The following PHLPP2 variants were observed in gnomAD, a reference collection of about 807,000 sequenced individuals.
The protein encoded by PHLPP2 is PH domain and leucine rich repeat protein phosphatase 2.
PHLPP2 carries 66 observed loss-of-function variants against 124.9 expected under a neutral mutation model. The ratio of observed to expected loss-of-function variants is 0.53; its 90% CI spans 0.43 to 0.65. PHLPP2 has a LOEUF of 0.65. Ranked by LOEUF, PHLPP2 falls within the 30% of genes least tolerant of loss-of-function variation. The probability of loss-of-function intolerance (pLI) is 0.00; values close to 1 mark genes in which losing one functional copy is unlikely to be tolerated. For synonymous variants in PHLPP2, 681 were observed against 624.7 expected, an observed-to-expected ratio of 1.09 and a Z score of -1.34; for missense variants, 1,685 against 1,600.4, an observed-to-expected ratio of 1.05 and a Z score of -0.90.
intron 8 of PHLPP2, chr16:71,677,490 AT>A (rs2044958064): frequency 8.3e-6 from 1 of 120,648 alleles, no homozygotes; most frequent in Non-Finnish European, 1.7e-5. Context: ...ATATATATAT[AT>A]ATGGAAGAGT....
intron 2 of PHLPP2, 48 bp downstream of exon 2, chr16:71,714,464 T>C: frequency 6.6e-7 from 1 of 1,516,756 alleles, no homozygotes. Context: ...AGAAACACAT[T>C]ATTATTTATA....
At chr16:71,706,846 T>C (rs1464632305) in intron 2 of PHLPP2, among the ~76,000 whole-genome samples, 3 of 152,002 alleles carry the variant, frequency 2.0e-5, no homozygotes, top group African/African-American at 7.2e-5. Context: ...CAAACCACTT[T>C]ATGTGTTAAC....
chr16:71,674,806 G>A (rs2044930636), intron 9 of PHLPP2, among the ~76,000 whole-genome samples: 2 of 152,148 alleles, frequency 1.3e-5, no homozygotes, highest in Admixed American at 1.3e-4. Flanking sequence ...AGAACAGCAA[G>A]GCCAATATGG....
intron 10 of PHLPP2, among the ~76,000 whole-genome samples, chr16:71,671,244 A>T (rs1326311824): frequency 2.6e-5 from 4 of 152,186 alleles, no homozygotes; most frequent in Non-Finnish European, 5.9e-5. Flanking sequence ...AAAGTAACGA[A>T]ATCAACAAAA....
intron 16 of PHLPP2, among the ~76,000 whole-genome samples, chr16:71,655,738 C>T (rs770372757): frequency 6.6e-6 from 1 of 152,034 alleles, no homozygotes; most frequent in Non-Finnish European, 1.5e-5. Context: ...GATCCGCCCA[C>T]CTTGGCCTCC....
At chr16:71,664,156 A>G in intron 12 of PHLPP2, 57 bp from the exon 13 acceptor site, 1 of 1,170,776 alleles carries the variant, frequency 8.5e-7, no homozygotes, top group South Asian at 1.2e-5. Flanking sequence ...GCCTTCCTAT[A>G]TAGAAACCAT....
At chr16:71,721,599 A>T (rs947719885) in intron 1 of PHLPP2, among the ~76,000 whole-genome samples, 1 of 152,184 alleles carries the variant, frequency 6.6e-6, no homozygotes, top group Non-Finnish European at 1.5e-5. Flanking sequence ...TGTCTCTAAA[A>T]AAAAATCTTT....
chr16:71,649,493 T>C lies in PHLPP2; in HGVS notation c.3369A>G (p.Thr1123=), dbSNP rs775371952. The C allele has an allele frequency of 6.2e-7, 1 of 1,613,734 alleles. No homozygotes were observed. The highest frequency in any genetic ancestry group is 1.1e-5 in the South Asian group (1 of 91,052). Residue 1123 remains threonine (T), a synonymous_variant, in exon 19 of 19, where the codon ACA becomes ACG. Coordinates refer to ENST00000568954, the MANE Select transcript of PHLPP2 (RefSeq NM_015020.3). Reference sequence around the variant, plus strand: ...GGCGCTGAAACAGCCCAGAGGTGGGTGTTGGGTGGAGGCTGCAGCGCCGCT... The same window carrying C: ...GGCGCTGAAACAGCCCAGAGGTGGGCGTTGGGTGGAGGCTGCAGCGCCGCT... The part of the protein sequence containing the change: ...RPERRCSLHP[T]PTSGLFQRQP...
At chr16:71,650,100 A>G (rs542079837) in intron 18 of PHLPP2, 56 bp from the exon 19 acceptor site, 2 of 1,311,776 alleles carry the variant, frequency 1.5e-6, no homozygotes, top group South Asian at 2.5e-5. Context: ...GAGCCAACTT[A>G]TCTTTCTAGA....
At position 71,676,529 on chromosome 16, in the gene PHLPP2, T is replaced by C; in HGVS notation, c.1389A>G (p.Glu463=). The change falls in exon 9 of 19, where the codon GAA becomes GAG. Residue 463 remains glutamate (E), a synonymous_variant. Coordinates refer to ENST00000568954, the MANE Select transcript of PHLPP2 (RefSeq NM_015020.3). ...GCTGATTCCGCCCACAGTGCAGCTG[T>C]TCCAAGCTGCATAAGGAGCTAAGAT... ...DLDLSSLCSL[E]QLHCGRNQLR... is the part of the protein sequence containing the mutation. 6.2e-7 allele frequency: 1 copy of C among 1,613,828 alleles called. No homozygotes were observed. The highest frequency in any genetic ancestry group is 1.1e-5 in the South Asian group (1 of 91,068).
At chr16:71,723,759 GCCT>G (rs1476693232) in intron 1 of PHLPP2, 1 of 1,287,526 alleles carries the variant, frequency 7.8e-7, no homozygotes, top group Non-Finnish European at 1.0e-6. Context: ...TGGTCCATCC[GCCT>G]CCTCACCTTC....
rs2044973572 is a variant in PHLPP2, at chr16:71,679,108, C to A, written c.1038-123G>T. On this transcript the variant is annotated intron_variant, in intron 7 of 18. Coordinates refer to ENST00000568954, the MANE Select transcript of PHLPP2 (RefSeq NM_015020.3). The stretch of plus-strand genomic sequence containing the variant: ...ATCAATCCCAAAATAGTAAAGTGTC[C>A]TAACTCTCCATCTATGCAGACTTAA... 4.6e-6 allele frequency: 3 copies of A among 647,764 alleles called. No individual in the cohort carries two copies. The African/African-American group carries it at 5.5e-5, about 12-fold the overall frequency. 40.1% of individuals were successfully genotyped at this position (647,764 alleles called of 1,614,324 possible).
chr16:71,675,085 C>G (rs983261708), intron 9 of PHLPP2, among the ~76,000 whole-genome samples: 2 of 152,082 alleles, frequency 1.3e-5, no homozygotes, highest in East Asian at 3.8e-4. Flanking sequence ...GGGATATATC[C>G]CAATCAGGAA....
intron 12 of PHLPP2, among the ~76,000 whole-genome samples, chr16:71,665,930 T>G (rs1272878151): frequency 6.6e-6 from 1 of 152,362 alleles, no homozygotes; most frequent in East Asian, 1.9e-4. Flanking sequence ...AAGAGATGTA[T>G]AAGCTGCTAA....
At chr16:71,663,855 T>C in intron 13 of PHLPP2, 44 bp downstream of exon 13, 3 of 1,397,200 alleles carry the variant, frequency 2.1e-6, no homozygotes, top group Non-Finnish European at 3.1e-6. Flanking sequence ...AATATAGAAT[T>C]AATGTTGTGT....
At position 71,667,371 on chromosome 16, in the gene PHLPP2, T is replaced by C. The variant is rs560086380; in HGVS notation, c.1629-38A>G. ...CATACAAACAAACACATTAAAAACTTACTTAAATCATTCTTTCTGAGGCTG... is the reference window on the plus strand; with the variant it reads ...CATACAAACAAACACATTAAAAACTCACTTAAATCATTCTTTCTGAGGCTG... On this transcript the variant is annotated intron_variant, in intron 11 of 18. Coordinates refer to ENST00000568954, the MANE Select transcript of PHLPP2 (RefSeq NM_015020.3). 31 of 1,523,050 alleles carry C rather than the reference T, an allele frequency of 2.0e-5. No individual in the cohort carries two copies. In the South Asian group the frequency reaches 3.6e-4, roughly 18 times the overall value. 94.3% of individuals were successfully genotyped at this position (1,523,050 alleles called of 1,614,324 possible). A position where few individuals can be genotyped will look rare whatever the true frequency, so the allele number is the denominator to read the frequency against.
chr16:71,701,136 C>T (rs983499479), intron 3 of PHLPP2, among the ~76,000 whole-genome samples: 2 of 152,008 alleles, frequency 1.3e-5, no homozygotes, highest in African/African-American at 4.8e-5. Context: ...AAACCCAAGC[C>T]AGGACCATCC....
intron 4 of PHLPP2, among the ~76,000 whole-genome samples, chr16:71,686,740 T>C (rs919803487): frequency 4.6e-5 from 7 of 152,178 alleles, no homozygotes; most frequent in African/African-American, 1.7e-4. Flanking sequence ...TGTTAAGATT[T>C]ATCCTTGTTC....
intron 13 of PHLPP2, among the ~76,000 whole-genome samples, chr16:71,659,387 G>A (rs1358675352): frequency 6.6e-6 from 1 of 151,794 alleles, no homozygotes; most frequent in Non-Finnish European, 1.5e-5. Flanking sequence ...GAGTAGCTGG[G>A]ATTACAGGCA....
Sources: allele counts gnomAD v4.1 joint callset (sites outside exome capture counted in the v4.1 genomes callset), GRCh38; gene constraint gnomAD v4.1.1; transcripts MANE v1.5; gene names NCBI Gene and HGNC (gene_info 2026-07-23, HGNC 2026-07-21).